Variants in CALN1 observed in about 807,000 individuals in gnomAD.
CALN1 encodes the protein calneuron 1.
A neutral mutation model predicts 30.6 loss-of-function variants in CALN1; 17 were observed. The observed-to-expected ratio is 0.56, with a 90% CI of 0.38 to 0.83. CALN1 has a LOEUF of 0.83. Ranked by LOEUF, CALN1 falls within the 40% of genes least tolerant of loss-of-function variation. The pLI is 0.00. For synonymous variants in CALN1, 156 were observed against 131.4 expected (o/e 1.19, Z -1.28); for missense variants, 291 against 354.9 (o/e 0.82, Z 1.45).
At chr7:71,873,046 C>T (rs1792034816) in intron 5 of CALN1, among the ~76,000 whole-genome samples, 1 of 140,820 alleles carries the variant, frequency 7.1e-6, no homozygotes, top group Non-Finnish European at 1.5e-5. Flanking sequence ...CCCTGTCACC[C>T]AGTCTGGAGT....
chr7:71,974,636 G>GATTT (rs1158268315), intron 5 of CALN1, among the ~76,000 whole-genome samples: 1 of 152,052 alleles, frequency 6.6e-6, no homozygotes, highest in African/African-American at 2.4e-5. Flanking sequence ...TCTGTGATCT[G>GATTT]GATGAATTGA....
At chr7:72,106,437 A>G in intron 3 of CALN1, 143 bp from the exon 4 acceptor site, 2 of 952,322 alleles carry the variant, frequency 2.1e-6, no homozygotes, top group Non-Finnish European at 3.0e-6. Flanking sequence ...AAAAGGGAGG[A>G]CAGAAGAAGA....
intron 5 of CALN1, among the ~76,000 whole-genome samples, chr7:71,894,567 A>T (rs955122132): frequency 6.6e-6 from 1 of 152,132 alleles, no homozygotes; most frequent in African/African-American, 2.4e-5. Context: ...CACCATACCC[A>T]GCTCAATCAA....
chr7:72,322,515 T>A lies in CALN1; in HGVS notation c.120-43705A>T, dbSNP rs191074127. Among the ~76,000 whole-genome samples, 8 of 152,258 alleles carry A rather than the reference T, an allele frequency of 5.3e-5. No individual in the cohort carries two copies. In the East Asian group the frequency reaches 1.5e-3, roughly 29 times the overall value. On this transcript the variant is annotated intron_variant, in intron 2 of 6. Coordinates refer to ENST00000395275, the MANE Select transcript of CALN1 (RefSeq NM_031468.4). Reference sequence around the variant, plus strand: ...CCTTTCCATTTCTCCAAGCTTCCAATTCTGACACTATAAATTCTGACCAGG... The same window carrying A: ...CCTTTCCATTTCTCCAAGCTTCCAAATCTGACACTATAAATTCTGACCAGG...
intron 5 of CALN1, among the ~76,000 whole-genome samples, chr7:71,862,612 G>T (rs926043438): frequency 6.6e-6 from 1 of 152,114 alleles, no homozygotes; most frequent in East Asian, 1.9e-4. Context: ...TTTATTAGCA[G>T]CATGAGAACA....
intron 5 of CALN1, among the ~76,000 whole-genome samples, chr7:71,994,197 G>A (rs927008229): frequency 6.6e-6 from 1 of 152,146 alleles, no homozygotes; most frequent in Non-Finnish European, 1.5e-5. Flanking sequence ...GAATGACAAT[G>A]TAAATAAAAA....
At chr7:72,316,614 A>G (rs1309474218) in intron 2 of CALN1, among the ~76,000 whole-genome samples, 1 of 152,044 alleles carries the variant, frequency 6.6e-6, no homozygotes, top group Non-Finnish European at 1.5e-5. Context: ...TAAAAGTTTA[A>G]CCACAAACCT....
chr7:72,278,569 C>G, intron 3 of CALN1, 117 bp downstream of exon 3: 1 of 1,407,076 alleles, frequency 7.1e-7, no homozygotes, highest in Non-Finnish European at 9.7e-7. Flanking sequence ...CATGGCTACA[C>G]TTGGCCACAA....
At chr7:72,095,722 C>G (rs1806170797) in intron 4 of CALN1, among the ~76,000 whole-genome samples, 1 of 152,048 alleles carries the variant, frequency 6.6e-6, no homozygotes, top group South Asian at 2.1e-4. Context: ...TATGAAACAT[C>G]TGGGAATCTT....
Position 71,784,093 on chromosome 7 carries a change from C to T in CALN1, c.*3682G>A, listed in dbSNP as rs1792860481. On this transcript the variant is annotated 3_prime_UTR_variant, in exon 7 of 7. Coordinates refer to ENST00000395275, the MANE Select transcript of CALN1 (RefSeq NM_031468.4). Reference sequence around the variant, plus strand: ...GATTGGAGGCTTAATATCTTGTTTGCCTTCCAAGATGATATTTCTGTCAAT... The same window carrying T: ...GATTGGAGGCTTAATATCTTGTTTGTCTTCCAAGATGATATTTCTGTCAAT... 6.6e-6 allele frequency: 1 copy of T among 152,112 alleles called. No individual in the cohort carries two copies. The highest frequency in any genetic ancestry group is 2.1e-4 in the South Asian group (1 of 4,824). The allele number at this position is 152,112 out of a possible 1,614,324, so 9.4% of individuals were successfully genotyped here. A position where few individuals can be genotyped will look rare whatever the true frequency, so the allele number is the denominator to read the frequency against.
At chr7:72,420,929 C>G (rs1807587401) in intron 1 of CALN1, among the ~76,000 whole-genome samples, 1 of 152,054 alleles carries the variant, frequency 6.6e-6, no homozygotes, top group South Asian at 2.1e-4. Flanking sequence ...GCATCTTAAA[C>G]ATGCATCTGC....
In CALN1 at chr7:72,371,047, CAA is replaced by C. The variant is rs35918896; in HGVS notation, c.119+32202_119+32203del. Reference sequence around the variant, plus strand: ...TTGGTGACAGAGCAAAATTAAGTCTCAAAAAAAAAAAAAAAAAAAGAGAGGGC... The same window carrying C: ...TTGGTGACAGAGCAAAATTAAGTCTCAAAAAAAAAAAAAAAAAGAGAGGGC... On this transcript the variant is annotated intron_variant, in intron 2 of 6. Transcript: ENST00000395275. 5.6e-3 allele frequency among the ~76,000 whole-genome samples: 512 copies of C among 91,528 alleles called. 1 individual carries two copies. The highest frequency in any genetic ancestry group is 0.02 in the East Asian group (53 of 2,648). 60.0% of individuals were successfully genotyped at this position (91,528 alleles called of 152,430 possible).
At chr7:72,235,606 G>A (rs1236479119) in intron 3 of CALN1, among the ~76,000 whole-genome samples, 2 of 152,002 alleles carry the variant, frequency 1.3e-5, no homozygotes, top group Non-Finnish European at 2.9e-5. Flanking sequence ...GACTGTAAAG[G>A]GCTCAGAATT....
At chr7:72,290,446 A>G (rs1364569585) in intron 2 of CALN1, among the ~76,000 whole-genome samples, 1 of 152,188 alleles carries the variant, frequency 6.6e-6, no homozygotes, top group Non-Finnish European at 1.5e-5. Flanking sequence ...AATATACAGC[A>G]GTGGCAGCCT....
At chr7:72,136,092 A>G (rs1267689152) in intron 3 of CALN1, among the ~76,000 whole-genome samples, 2 of 151,410 alleles carry the variant, frequency 1.3e-5, no homozygotes, top group Non-Finnish European at 2.9e-5. Flanking sequence ...CCAAGATTGC[A>G]CCACTGCATT....
intron 5 of CALN1, among the ~76,000 whole-genome samples, chr7:71,875,791 T>C (rs1178786050): frequency 6.6e-6 from 1 of 152,196 alleles, no homozygotes; most frequent in Non-Finnish European, 1.5e-5. Context: ...AGGAACTCCA[T>C]ATTGGTCTGT....
At chr7:72,078,087 C>G in intron 4 of CALN1, among the ~76,000 whole-genome samples, 1 of 152,178 alleles carries the variant, frequency 6.6e-6, no homozygotes, top group Non-Finnish European at 1.5e-5. Context: ...AGAATCTATT[C>G]ATCATTTGCC....
At chr7:72,371,404 G>A (rs1163031515) in intron 2 of CALN1, among the ~76,000 whole-genome samples, 3 of 152,112 alleles carry the variant, frequency 2.0e-5, no homozygotes, top group Non-Finnish European at 4.4e-5. Context: ...ATTAAATCAT[G>A]GGAGCACTTA....
intron 3 of CALN1, among the ~76,000 whole-genome samples, chr7:72,228,144 A>G (rs1262204064): frequency 6.6e-6 from 1 of 151,984 alleles, no homozygotes. Context: ...CAGCTGCTTA[A>G]CGGGGACTGG....
Sources: allele counts gnomAD v4.1 joint callset (sites outside exome capture counted in the v4.1 genomes callset), GRCh38; gene constraint gnomAD v4.1.1; transcripts MANE v1.5; gene names NCBI Gene and HGNC (gene_info 2026-07-23, HGNC 2026-07-21).